Variants in CDH13 observed in about 807,000 individuals in gnomAD.
The protein encoded by CDH13 is cadherin 13.
In CDH13, 24 loss-of-function variants were observed where a neutral mutation model predicts 63.8. The ratio of observed to expected loss-of-function variants is 0.38; its 90% CI spans 0.27 to 0.53. The LOEUF (loss-of-function observed/expected upper bound fraction) is 0.53. Ranked by LOEUF, CDH13 falls within the 20% of genes least tolerant of loss-of-function variation. The pLI, the probability that CDH13 is intolerant of heterozygous loss-of-function variation, is 0.85. For synonymous variants in CDH13, 503 were observed against 355.3 expected (o/e 1.42, Z -4.67); for missense variants, 1,049 against 903.1 (o/e 1.16, Z -2.07).
At chr16:83,368,959 CATTG>C (rs1243888830) in intron 6 of CDH13, among the ~76,000 whole-genome samples, 8 of 90,678 alleles carry the variant, frequency 8.8e-5, no homozygotes, top group African/African-American at 3.2e-4. Context: ...TTAATCTGTT[CATTG>C]ATTGATGGGC....
chr16:82,790,675 T>C (rs1239593378), intron 1 of CDH13, among the ~76,000 whole-genome samples: 1 of 152,158 alleles, frequency 6.6e-6, no homozygotes, highest in Non-Finnish European at 1.5e-5. Flanking sequence ...CAGTTCACCA[T>C]GGCTGGGAAG....
At chr16:82,724,057 G>C (rs1597408671) in intron 1 of CDH13, among the ~76,000 whole-genome samples, 1 of 152,206 alleles carries the variant, frequency 6.6e-6, no homozygotes, top group Non-Finnish European at 1.5e-5. Context: ...GCCTTTCTTG[G>C]AGTGGGGCTT....
chr16:83,326,425 CT>C (rs1241180598), intron 5 of CDH13, among the ~76,000 whole-genome samples: 4,938 of 126,510 alleles, frequency 0.039, 98 homozygotes, highest in African/African-American at 0.079. Flanking sequence ...ACACTTGGTG[CT>C]TTTTTTTTTT....
At chr16:82,924,464 C>A (rs186999015) in intron 2 of CDH13, among the ~76,000 whole-genome samples, 1 of 152,108 alleles carries the variant, frequency 6.6e-6, no homozygotes, top group South Asian at 2.1e-4. Flanking sequence ...GTGGTGGTTG[C>A]GGTTTTCGGG....
intron 8 of CDH13, among the ~76,000 whole-genome samples, chr16:83,623,565 T>C (rs1050298517): frequency 2.0e-5 from 3 of 152,116 alleles, no homozygotes; most frequent in Admixed American, 2.0e-4. Context: ...CAAACAGCAC[T>C]TTTTCCCGGC....
rs919598039 is a variant in CDH13 at position 83,783,397 on chromosome 16, G to A, written c.2059G>A (p.Val687Met). The change falls in exon 13 of 14, where the codon GTG becomes ATG. Residue 687 changes from valine to methionine, a missense_variant. By Grantham distance (21) the Val-to-Met change is conservative. Transcript: ENST00000567109. ...AGTGTGCTCCTGCAGGAATTCCAAA[G>A]TGGACTGCAACGCGGCAGGGGCCCT... ...VQVCSCRNSK[V>M]DCNAAGALRF... is the part of the protein sequence containing the mutation. The A allele has an allele frequency of 1.9e-6, 3 of 1,613,872 alleles. No individual in the cohort carries two copies. Among genetic ancestry groups the A allele is most frequent in the East Asian group, 2.2e-5 (1 of 44,888 alleles).
intron 8 of CDH13, among the ~76,000 whole-genome samples, chr16:83,627,893 C>G (rs183518036): frequency 1.2e-3 from 181 of 152,320 alleles, no homozygotes; most frequent in Admixed American, 2.4e-3. Flanking sequence ...GTGTGTTAAA[C>G]AAGGAGCAGA....
intron 2 of CDH13, among the ~76,000 whole-genome samples, chr16:82,955,824 G>C (rs747543043): frequency 1.3e-5 from 2 of 152,226 alleles, no homozygotes; most frequent in Non-Finnish European, 2.9e-5. Flanking sequence ...TGTCACACAA[G>C]AAAGAAGTGG....
In CDH13 at chr16:83,607,161, T is replaced by G. The variant is rs533582063; in HGVS notation, c.1101+4567T>G. On this transcript the variant is annotated intron_variant, in intron 8 of 13. Coordinates refer to ENST00000567109, the MANE Select transcript of CDH13 (RefSeq NM_001257.5). ...ATCCAGGCACGGTGGCTCACACCTG[T>G]AATCCCAGCACTCCGGGAGGCCGAG... is the stretch of plus-strand genomic sequence containing the variant. 1.0e-3 allele frequency among the ~76,000 whole-genome samples: 157 copies of G among 152,300 alleles called. 1 individual carries two copies. The highest frequency in any genetic ancestry group is 3.6e-3 in the African/African-American group (150 of 41,576).
chr16:83,418,384 GA>G (rs1457296033), intron 6 of CDH13, among the ~76,000 whole-genome samples: 1 of 152,094 alleles, frequency 6.6e-6, no homozygotes, highest in Non-Finnish European at 1.5e-5. Flanking sequence ...GGAAGCATGA[GA>G]TTTTTTTTCC....
intron 1 of CDH13, among the ~76,000 whole-genome samples, chr16:82,667,620 C>T (rs935158432): frequency 6.6e-5 from 10 of 152,110 alleles, no homozygotes; most frequent in Non-Finnish European, 1.5e-4. Context: ...TCACGTTGCC[C>T]CTATCTGAAG....
chr16:82,957,187 G>C (rs1013229098), intron 2 of CDH13, among the ~76,000 whole-genome samples: 1 of 152,174 alleles, frequency 6.6e-6, no homozygotes, highest in Non-Finnish European at 1.5e-5. Context: ...GTGGAAAGTT[G>C]CATCTACCAC....
intron 6 of CDH13, among the ~76,000 whole-genome samples, chr16:83,409,558 T>G (rs763175602): frequency 2.6e-5 from 4 of 152,262 alleles, no homozygotes; most frequent in African/African-American, 4.8e-5. Flanking sequence ...CTGTCAATAC[T>G]GGCTGGAGTT....
At chr16:83,338,756 A>G (rs1048766323) in intron 5 of CDH13, among the ~76,000 whole-genome samples, 1 of 152,242 alleles carries the variant, frequency 6.6e-6, no homozygotes, top group African/African-American at 2.4e-5. Flanking sequence ...AAATACCTGC[A>G]AGAAAGGATG....
intron 6 of CDH13, among the ~76,000 whole-genome samples, chr16:83,475,939 T>C (rs1341219121): frequency 6.6e-6 from 1 of 152,148 alleles, no homozygotes; most frequent in African/African-American, 2.4e-5. Flanking sequence ...TAAATAGATA[T>C]AAATGATAGC....
intron 4 of CDH13, among the ~76,000 whole-genome samples, chr16:83,159,353 T>C (rs2037349211): frequency 1.3e-5 from 2 of 152,362 alleles, no homozygotes; most frequent in South Asian, 4.1e-4. Flanking sequence ...TCTTGTGAAG[T>C]TGCTGAATCC....
chr16:83,379,938 T>TATATAGAGAGAG, intron 6 of CDH13, among the ~76,000 whole-genome samples: 84 of 123,454 alleles, frequency 6.8e-4, no homozygotes, highest in Admixed American at 8.3e-4. Flanking sequence ...TATATATATA[T>TATATAGAGAGAG]AGAGAGAGAG....
chr16:83,308,814 A>G (rs1354908814), intron 5 of CDH13, among the ~76,000 whole-genome samples: 1 of 152,270 alleles, frequency 6.6e-6, no homozygotes, highest in Non-Finnish European at 1.5e-5. Context: ...AGGGAGCCTG[A>G]GAATCTTTGC....
At chr16:83,323,963 T>C (rs1463378005) in intron 5 of CDH13, among the ~76,000 whole-genome samples, 1 of 152,160 alleles carries the variant, frequency 6.6e-6, no homozygotes, top group African/African-American at 2.4e-5. Flanking sequence ...AATTCACCCA[T>C]TGAAAGTGTA....
Sources: allele counts gnomAD v4.1 joint callset (sites outside exome capture counted in the v4.1 genomes callset), GRCh38; gene constraint gnomAD v4.1.1; transcripts MANE v1.5; gene names NCBI Gene and HGNC (gene_info 2026-07-23, HGNC 2026-07-21).